Variants in GNB3 observed in about 807,000 individuals in gnomAD.
GNB3 encodes G protein subunit beta 3, also known as guanine nucleotide-binding protein G(I)/G(S)/G(T) subunit beta-3.
GNB3 carries 33 observed loss-of-function variants against 41.2 expected under a neutral mutation model. The observed-to-expected ratio is 0.80, with a 90% CI of 0.61 to 1.07. GNB3 has a LOEUF of 1.07. Among genes scored for constraint, GNB3 ranks in the 50% least tolerant of loss-of-function variants. The probability of loss-of-function intolerance (pLI) is 0.00; values close to 1 mark genes in which losing one functional copy is unlikely to be tolerated. For synonymous variants in GNB3, 172 were observed against 173.4 expected (o/e 0.99, Z 0.06); for missense variants, 409 against 455.3 (o/e 0.90, Z 0.92).
At chr12:6,845,440 CT>C (rs1943667603) in intron 8 of GNB3, 145 bp from the exon 9 acceptor site, 1 of 629,126 alleles carries the variant, frequency 1.6e-6, no homozygotes, top group Admixed American at 2.4e-5. Flanking sequence ...GGCAGGGCTG[CT>C]TCTCACCCCA....
rs201972812 is a variant in GNB3, at chr12:6,843,766, C to T, written c.498-11C>T. On this transcript the variant is annotated splice_polypyrimidine_tract_variant and intron_variant, in intron 7 of 9. Coordinates refer to ENST00000229264, the MANE Select transcript of GNB3 (RefSeq NM_002075.4). This position sits in a 1 kb window ranked among gnomAD's most constrained non-coding sequence, Gnocchi z 5.9. ...CGGCCTTTCTCTAACAGTCTCCCTC[C>T]ATTTTGGCAGTGCCTTGTGGGACAT... 33 of 1,613,472 alleles carry T rather than the reference C, an allele frequency of 2.0e-5. No individual in the cohort carries two copies. The highest frequency in any genetic ancestry group is 3.3e-5 in the South Asian group (3 of 91,074).
chr12:6,845,795 G>T lies in GNB3; in HGVS notation c.909G>T (p.Glu303Asp). Residue 303 changes from glutamate (E) to aspartate (D), a missense_variant, in exon 9 of 10, where the codon GAG becomes GAT. Coordinates refer to ENST00000229264, the MANE Select transcript of GNB3 (RefSeq NM_002075.4). ...NCNVWDSMKSERVGILSGHDN... is the reference protein window; with the variant it reads ...NCNVWDSMKSDRVGILSGHDN... ...ATGTCTGGGACTCCATGAAGTCTGA[G>T]CGTGTGGGTAAGGGCCAGCCCTGGC... The T allele has an allele frequency of 6.2e-7, 1 of 1,612,682 alleles. No homozygotes were observed. The highest frequency in any genetic ancestry group is 1.1e-5 in the South Asian group (1 of 91,062).
At chr12:6,844,938 T>G (rs782516987) in intron 8 of GNB3, 62 of 152,294 alleles carry the variant, frequency 4.1e-4, no homozygotes, top group African/African-American at 1.3e-3. Flanking sequence ...AACTCAACAT[T>G]GACACAATAC....
At position 6,846,876 on chromosome 12, in the gene GNB3, G is replaced by T; in HGVS notation, c.1001G>T (p.Ser334Ile). The change falls in exon 10 of 10, where the codon AGC (serine) becomes ATC (isoleucine). Residue 334 changes from serine to isoleucine, a missense_variant. Coordinates refer to ENST00000229264, the MANE Select transcript of GNB3 (RefSeq NM_002075.4). ...GMAVATGSWD[S>I]FLKIWN ...GCTGTGGCCACAGGTTCCTGGGACA[G>T]CTTCCTCAAAATCTGGAACTGAGGA... The T allele has an allele frequency of 1.3e-6, 2 of 1,591,970 alleles. No individual in the cohort carries two copies. The highest frequency in any genetic ancestry group is 1.7e-6 in the Non-Finnish European group (2 of 1,168,236).
chr12:6,844,577 G>A (rs1340410083), intron 8 of GNB3, among the ~76,000 whole-genome samples: 6 of 152,152 alleles, frequency 3.9e-5, no homozygotes, highest in East Asian at 3.9e-4. Flanking sequence ...GTGTGACCAC[G>A]CTTGGCTAAT....
At chr12:6,846,706 C>CACAT in intron 9 of GNB3, 86 bp from the exon 10 acceptor site, 1 of 732,042 alleles carries the variant, frequency 1.4e-6, no homozygotes, top group Non-Finnish European at 2.4e-6. Context: ...CACACCCACA[C>CACAT]ACCCACACAT....
chr12:6,844,099 T>TA, intron 8 of GNB3, 121 bp downstream of exon 8: 1 of 577,952 alleles, frequency 1.7e-6, no homozygotes, highest in Non-Finnish European at 2.8e-6. Context: ...CTGTATTTTT[T>TA]TTTTTTTTTT....
intron 8 of GNB3, among the ~76,000 whole-genome samples, chr12:6,844,557 C>T (rs1943645608): frequency 6.6e-6 from 1 of 152,194 alleles, no homozygotes; most frequent in African/African-American, 2.4e-5. Flanking sequence ...GTAGCTGGGA[C>T]TACAGATGCG....
Position 6,847,344 on chromosome 12 carries a change from A to G in GNB3, c.*446A>G. Reference sequence around the variant, plus strand: ...CTTATTCATGCTTTCTCCTTTTTCTACCTTTTTTTCTCTCCTAAGACACCT... The same window carrying G: ...CTTATTCATGCTTTCTCCTTTTTCTGCCTTTTTTTCTCTCCTAAGACACCT... On this transcript the variant is annotated 3_prime_UTR_variant, in exon 10 of 10. Transcript: ENST00000229264. 5.7e-6 allele frequency: 1 copy of G among 174,264 alleles called. No homozygotes were observed. The highest frequency in any genetic ancestry group is 1.2e-5 in the Non-Finnish European group (1 of 81,258). 10.8% of individuals were successfully genotyped at this position (174,264 alleles called of 1,614,324 possible).
At chr12:6,841,939 G>C in intron 3 of GNB3, 2 of 508,508 alleles carry the variant, frequency 3.9e-6, no homozygotes, top group Admixed American at 6.0e-5. Flanking sequence ...CTAGCTGCTA[G>C]TTTTCTATGC....
At chr12:6,841,933 C>T in intron 3 of GNB3, 1 of 528,064 alleles carries the variant, frequency 1.9e-6, no homozygotes, top group Non-Finnish European at 3.5e-6. Context: ...TAGACTCTAG[C>T]TGCTAGTTTT....
intron 3 of GNB3, among the ~76,000 whole-genome samples, chr12:6,842,687 G>A (rs1005304092): frequency 1.3e-5 from 2 of 152,186 alleles, no homozygotes; most frequent in Admixed American, 6.5e-5. Flanking sequence ...CTGGAAACTG[G>A]TCAAAGTGCA....
At position 6,843,162 on chromosome 12, in the gene GNB3, C is replaced by T. The variant is rs1565518389; in HGVS notation, c.204-12C>T. 1 of 1,612,054 alleles carries T rather than the reference C, an allele frequency of 6.2e-7. No homozygotes were observed. The highest frequency in any genetic ancestry group is 8.5e-7 in the Non-Finnish European group (1 of 1,178,200). ...GGGGAGGCTTGCATGATATGGGATG[C>T]CCTCTCCCCAGGCTGCTGGTAAGTG... On this transcript the variant is annotated splice_polypyrimidine_tract_variant and intron_variant, in intron 4 of 9. Transcript: ENST00000229264. The surrounding 1 kb of genome is among the most constrained non-coding windows in gnomAD (Gnocchi z 5.9).
intron 9 of GNB3, chr12:6,846,086 G>T: frequency 2.5e-6 from 1 of 402,166 alleles, no homozygotes; most frequent in Non-Finnish European, 4.6e-6. Flanking sequence ...TGGGTTCCTG[G>T]CATTTCAGGG....
At position 6,841,572 on chromosome 12, in the gene GNB3, T is replaced by C. The variant is rs1445404661; in HGVS notation, c.58-14T>C. ...ACCTCGCCCTTGCTCCCCTGATGTC[T>C]GCTTTCCCTGCAGGATGCCAGGAAA... On this transcript the variant is annotated splice_polypyrimidine_tract_variant and intron_variant, in intron 2 of 9. Transcript: ENST00000229264. 1 of 1,612,626 alleles carries C rather than the reference T, an allele frequency of 6.2e-7. No homozygotes were observed. Among genetic ancestry groups the C allele is most frequent in the Non-Finnish European group, 8.5e-7 (1 of 1,178,908 alleles).
chr12:6,842,877 C>A, intron 3 of GNB3, 93 bp from the exon 4 acceptor site: 3 of 793,806 alleles, frequency 3.8e-6, no homozygotes, highest in Non-Finnish European at 6.0e-6. Context: ...TAGAGCCTGG[C>A]ACAGAGCGGG....
intron 1 of GNB3, 42 bp from the exon 2 acceptor site, chr12:6,841,216 C>A: frequency 7.7e-7 from 1 of 1,303,988 alleles, no homozygotes; most frequent in Non-Finnish European, 1.1e-6. Context: ...GAAGCACAGC[C>A]TGGTGGGGGG....
In GNB3 at chr12:6,845,651, G is replaced by T; in HGVS notation, c.765G>T (p.Leu255=). 6.2e-7 allele frequency: 1 copy of T among 1,613,952 alleles called. No individual in the cohort carries two copies. Among genetic ancestry groups the T allele is most frequent in the Non-Finnish European group, 8.5e-7 (1 of 1,180,004 alleles). Residue 255 remains leucine, a synonymous_variant, in exon 9 of 10, where the codon CTG becomes CTT. Coordinates refer to ENST00000229264, the MANE Select transcript of GNB3 (RefSeq NM_002075.4). The part of the protein sequence containing the change: ...SDDASCRLFD[L]RADQELICFS... Reference sequence around the variant, plus strand: ...ACGCTTCCTGCCGCTTGTTTGACCTGCGGGCAGACCAGGAGCTGATCTGCT... The same window carrying T: ...ACGCTTCCTGCCGCTTGTTTGACCTTCGGGCAGACCAGGAGCTGATCTGCT...
rs782351294 is a variant in GNB3 at position 6,843,663 on chromosome 12, C to T, written c.462C>T (p.Asp154=). The change falls in exon 7 of 10, where the codon GAC becomes GAT. Residue 154 remains aspartate (D), a synonymous_variant. Transcript: ENST00000229264. The surrounding 1 kb of genome is among the most constrained non-coding windows in gnomAD (Gnocchi z 5.9). ...TCTCCTGCTGCCGCTTCCTGGATGA[C>T]AACAATATTGTGACCAGCTCGGGGG... is the stretch of plus-strand genomic sequence containing the variant. ...GYLSCCRFLD[D]NNIVTSSGDT... is the part of the protein sequence containing the mutation. 5 of 1,614,090 alleles carry T rather than the reference C, an allele frequency of 3.1e-6. No individual in the cohort carries two copies. Among genetic ancestry groups the T allele is most frequent in the Middle Eastern group, 1.6e-4 (1 of 6,084 alleles).
Sources: gnomAD v4.1 joint callset for allele counts (sites outside exome capture counted in the v4.1 genomes callset) on GRCh38, gnomAD v4.1.1 for gene constraint, Gnocchi (gnomAD v3.1) non-coding constraint, MANE v1.5 for transcripts, NCBI Gene and HGNC (gene_info 2026-07-23, HGNC 2026-07-21) for gene names.